The following PDZK1 variants were observed in gnomAD, a reference collection of about 807,000 sequenced individuals.
PDZK1 encodes the protein PDZ domain containing 1.
PDZK1 carries 23 observed loss-of-function variants against 38.1 expected under a neutral mutation model. The ratio of observed to expected loss-of-function variants is 0.60; its 90% CI spans 0.43 to 0.85. The LOEUF (loss-of-function observed/expected upper bound fraction) is 0.85. PDZK1 is among the 40% of genes least tolerant of loss of function. The probability of loss-of-function intolerance (pLI) is 0.00; values close to 1 mark genes in which losing one functional copy is unlikely to be tolerated. For synonymous variants in PDZK1, 98 were observed against 186.2 expected, an observed-to-expected ratio of 0.53 and a Z score of 3.86; for missense variants, 297 against 504.3, an observed-to-expected ratio of 0.59 and a Z score of 3.94.
At chr1:145,692,298 A>G (rs1553703405) in intron 1 of PDZK1, among the ~76,000 whole-genome samples, 1 of 152,224 alleles carries the variant, frequency 6.6e-6, no homozygotes, top group Non-Finnish European at 1.5e-5. Context: ...GGATTGATAT[A>G]TGAGATCCTC....
At chr1:145,693,567 G>C (rs1052598027) in intron 1 of PDZK1, among the ~76,000 whole-genome samples, 1 of 152,068 alleles carries the variant, frequency 6.6e-6, no homozygotes, top group Non-Finnish European at 1.5e-5. Flanking sequence ...AAGGTCAGGA[G>C]ATCGATACCA....
chr1:145,705,906 A>G (rs1435277753), intron 1 of PDZK1, among the ~76,000 whole-genome samples: 1 of 151,994 alleles, frequency 6.6e-6, no homozygotes, highest in Non-Finnish European at 1.5e-5. Flanking sequence ...ACATGCCACC[A>G]TGCAGGATTA....
rs189734217 is a variant in PDZK1 at position 145,702,049 on chromosome 1, C to A, written c.-3+5268G>T. ...GTGATAGTTACTGTTTGGTCTTAGC[C>A]AGGGATAAATTTCAAATATGAGAAA... On this transcript the variant is annotated intron_variant, in intron 1 of 8. Transcript: ENST00000417171. Among the ~76,000 whole-genome samples, 5 of 152,228 alleles carry A rather than the reference C, an allele frequency of 3.3e-5. No homozygotes were observed. In the East Asian group the frequency reaches 5.8e-4, roughly 18 times the overall value.
intron 1 of PDZK1, among the ~76,000 whole-genome samples, chr1:145,700,498 C>A (rs1393795189): frequency 1.3e-5 from 2 of 152,078 alleles, no homozygotes; most frequent in East Asian, 3.8e-4. Context: ...AGATACCTGG[C>A]CCAGAGAGGG....
intron 5 of PDZK1, among the ~76,000 whole-genome samples, chr1:145,679,096 T>C (rs1278122342): frequency 6.6e-6 from 1 of 151,894 alleles, no homozygotes; most frequent in Non-Finnish European, 1.5e-5. Flanking sequence ...TTGGGTGTGT[T>C]CGGTTTTGAA....
intron 1 of PDZK1, among the ~76,000 whole-genome samples, chr1:145,700,088 G>A (rs1298895176): frequency 6.6e-6 from 1 of 152,142 alleles, no homozygotes; most frequent in African/African-American, 2.4e-5. Flanking sequence ...TCTTTTTGCA[G>A]AAGACAGGAA....
chr1:145,683,702 T>C (rs1654477527), intron 3 of PDZK1, among the ~76,000 whole-genome samples: 1 of 152,196 alleles, frequency 6.6e-6, no homozygotes, highest in Admixed American at 6.5e-5. Context: ...TGTGCTTACA[T>C]ACCTACAATA....
At chr1:145,676,762 A>G (rs1211984868) in intron 6 of PDZK1, among the ~76,000 whole-genome samples, 1 of 151,754 alleles carries the variant, frequency 6.6e-6, no homozygotes, top group African/African-American at 2.4e-5. Context: ...TCTTACATGT[A>G]ATAGCCTTTC....
At chr1:145,676,426 C>T (rs1290188976) in intron 6 of PDZK1, among the ~76,000 whole-genome samples, 2 of 151,622 alleles carry the variant, frequency 1.3e-5, no homozygotes, top group Admixed American at 6.6e-5. Flanking sequence ...CTGTTGTGCC[C>T]CATAGGACAC....
chr1:145,699,970 G>A (rs1168220853), intron 1 of PDZK1, among the ~76,000 whole-genome samples: 1 of 152,192 alleles, frequency 6.6e-6, no homozygotes, highest in East Asian at 1.9e-4. Flanking sequence ...AGTTTCTGGA[G>A]CATAGAAGTC....
chr1:145,695,985 C>T (rs1284484006), intron 1 of PDZK1, among the ~76,000 whole-genome samples: 1 of 152,162 alleles, frequency 6.6e-6, no homozygotes, highest in African/African-American at 2.4e-5. Context: ...CCAGGAGGAA[C>T]AACAGGTGTG....
At chr1:145,689,169 G>A (rs1468201114) in intron 1 of PDZK1, among the ~76,000 whole-genome samples, 2 of 152,124 alleles carry the variant, frequency 1.3e-5, no homozygotes, top group African/African-American at 2.4e-5. Context: ...CTGCAGCCTC[G>A]AATTCCTGGG....
At chr1:145,706,284 C>A (rs1656244775) in intron 1 of PDZK1, among the ~76,000 whole-genome samples, 1 of 152,200 alleles carries the variant, frequency 6.6e-6, no homozygotes, top group South Asian at 2.1e-4. Context: ...GACATCATTA[C>A]CAGCAACTTC....
chr1:145,686,603 G>C lies in PDZK1; in HGVS notation c.334C>G (p.Gln112Glu), dbSNP rs782000437. 6.2e-7 allele frequency: 1 copy of C among 1,606,786 alleles called. No homozygotes were observed. Among genetic ancestry groups the C allele is most frequent in the Non-Finnish European group, 8.5e-7 (1 of 1,176,502 alleles). The stretch of plus-strand genomic sequence containing the variant: ...GAAAGTATATTATCACTCAAACCTT[G>C]CTCCTTCTGACTTTGACCCAACTCT... ...LKELGQSQKE[Q>E]GLSDNILSPV... Residue 112 changes from glutamine (Q) to glutamate (E), a missense_variant, in exon 3 of 9, where the codon CAA becomes GAA. By Grantham distance (29) the Gln-to-Glu change is conservative. Coordinates refer to ENST00000417171, the MANE Select transcript of PDZK1 (RefSeq NM_001201325.2).
chr1:145,672,929 T>C lies in PDZK1; in HGVS notation c.1307A>G (p.Tyr436Cys), dbSNP rs1553698381. 2 of 1,599,556 alleles carry C rather than the reference T, an allele frequency of 1.3e-6. No homozygotes were observed. The highest frequency in any genetic ancestry group is 4.5e-5 in the East Asian group (2 of 44,726). Residue 436 changes from tyrosine to cysteine, a missense_variant, in exon 8 of 9, where the codon TAT (tyrosine) becomes TGT (cysteine). This residue lies in a region of PDZK1 where 49 missense variants were observed against 135.6 expected (regional missense o/e 0.36). Transcript: ENST00000417171. ...VNGVNVLDEP[Y>C]EKVVDRIQSS... is the part of the protein sequence containing the mutation. ...CTGGATTCTATCCACCACCTTCTCA[T>C]AGGGTTCATCTAGCACATTCACCCC...
intron 3 of PDZK1, among the ~76,000 whole-genome samples, chr1:145,682,964 GCTT>G (rs1654413936): frequency 6.6e-6 from 1 of 152,162 alleles, no homozygotes; most frequent in Non-Finnish European, 1.5e-5. Context: ...CCAAGACCAT[GCTT>G]CTGTTCGTAA....
chr1:145,681,568 G>A (rs1654263078), intron 4 of PDZK1, among the ~76,000 whole-genome samples: 3 of 145,902 alleles, frequency 2.1e-5, no homozygotes, highest in South Asian at 2.2e-4. Flanking sequence ...GATTACAGGC[G>A]TGAGCCACCG....
intron 6 of PDZK1, chr1:145,674,245 A>T: frequency 1.0e-6 from 1 of 985,354 alleles, no homozygotes; most frequent in Non-Finnish European, 1.2e-6. Flanking sequence ...TTGGGAAATG[A>T]CATATCTGAC....
rs1653077473 is a variant in PDZK1 at position 145,671,737 on chromosome 1, G to C, written c.1507-248C>G. ...GGTATGACTAGAAGTCAGGTGACCT[G>C]AATTCTACACTTGATTGTTTTCAAC... On this transcript the variant is annotated intron_variant, in intron 8 of 8. Coordinates refer to ENST00000417171, the MANE Select transcript of PDZK1 (RefSeq NM_001201325.2). 4 of 434,430 alleles carry C rather than the reference G, an allele frequency of 9.2e-6. No homozygotes were observed. The Admixed American group carries it at 1.6e-4, about 17-fold the overall frequency. 26.9% of individuals were successfully genotyped at this position (434,430 alleles called of 1,614,324 possible). A position where few individuals can be genotyped will look rare whatever the true frequency, so the allele number is the denominator to read the frequency against.
Sources: gnomAD v4.1 joint callset for allele counts (sites outside exome capture counted in the v4.1 genomes callset) on GRCh38, gnomAD v4.1.1 for gene constraint, gnomAD v4.1.1 regional missense constraint, MANE v1.5 for transcripts, NCBI Gene and HGNC (gene_info 2026-07-23, HGNC 2026-07-21) for gene names.